The following SFMBT1 variants were observed in gnomAD, a reference collection of about 807,000 sequenced individuals.
SFMBT1 encodes Scm like with four mbt domains 1, also known as scm-like with four MBT domains protein 1.
Under a neutral mutation model 108.7 loss-of-function variants are expected in SFMBT1, and 32 were observed. That is an observed-to-expected ratio of 0.29 (90% CI 0.22 to 0.40). SFMBT1 has a LOEUF of 0.40. SFMBT1 is among the 10% of genes least tolerant of loss of function. The probability of loss-of-function intolerance (pLI) is 1.00; values close to 1 mark genes in which losing one functional copy is unlikely to be tolerated. For missense variants in SFMBT1, 816 were observed against 1,059.6 expected (o/e 0.77, Z 3.19); for synonymous variants, 348 against 369.5 (o/e 0.94, Z 0.67).
At chr3:53,040,679 T>C (rs1449701023) in intron 1 of SFMBT1, among the ~76,000 whole-genome samples, 2 of 151,142 alleles carry the variant, frequency 1.3e-5, no homozygotes, top group East Asian at 3.9e-4. Flanking sequence ...ATGTTGGAAA[T>C]ATCACCTTAT....
Position 52,928,234 on chromosome 3 carries a change from C to A in SFMBT1, c.1005G>T (p.Val335=), listed in dbSNP as rs1037390710. Reference sequence around the variant, plus strand: ...GTAGGCCATTCTTCAGACTCCACTGCACAGGGAAGATGCCAGGACTGTCGG... The same window carrying A: ...GTAGGCCATTCTTCAGACTCCACTGAACAGGGAAGATGCCAGGACTGTCGG... ...CHADSPGIFP[V]QWSLKNGLHI... is the part of the protein sequence containing the mutation. Residue 335 remains valine (V), a synonymous_variant, in exon 9 of 21, where the codon GTG becomes GTT. Transcript: ENST00000394752. 14 of 1,613,888 alleles carry A rather than the reference C, an allele frequency of 8.7e-6. No individual in the cohort carries two copies. The African/African-American group carries it at 1.9e-4, about 22-fold the overall frequency.
intron 1 of SFMBT1, among the ~76,000 whole-genome samples, chr3:52,972,990 C>G (rs2106865768): frequency 6.6e-6 from 1 of 152,128 alleles, no homozygotes; most frequent in African/African-American, 2.4e-5. Context: ...CCACTGCACT[C>G]CAGCATGGGT....
intron 13 of SFMBT1, among the ~76,000 whole-genome samples, chr3:52,917,699 G>C (rs1176368089): frequency 1.3e-5 from 2 of 152,166 alleles, no homozygotes; most frequent in African/African-American, 4.8e-5. Flanking sequence ...GATTCTCACA[G>C]GAGTGTGAAC....
intron 1 of SFMBT1, among the ~76,000 whole-genome samples, chr3:53,038,759 T>C (rs1251582447): frequency 2.0e-5 from 3 of 152,214 alleles, no homozygotes; most frequent in African/African-American, 7.2e-5. Context: ...ATGTAAGTCA[T>C]TAAGCCTTTT....
At chr3:52,971,423 T>C (rs1704339694) in intron 1 of SFMBT1, among the ~76,000 whole-genome samples, 1 of 152,174 alleles carries the variant, frequency 6.6e-6, no homozygotes, top group South Asian at 2.1e-4. Flanking sequence ...ATGGGAACAA[T>C]TGAAAAGAAA....
At chr3:52,960,114 T>C (rs974982002) in intron 2 of SFMBT1, among the ~76,000 whole-genome samples, 1 of 151,810 alleles carries the variant, frequency 6.6e-6, no homozygotes, top group Non-Finnish European at 1.5e-5. Context: ...ATGCTAGCGT[T>C]GACACAGATA....
At chr3:52,992,725 T>C (rs1282908416) in intron 1 of SFMBT1, among the ~76,000 whole-genome samples, 1 of 152,208 alleles carries the variant, frequency 6.6e-6, no homozygotes, top group African/African-American at 2.4e-5. Flanking sequence ...GTTAGCACAC[T>C]CCACAATGTA....
chr3:53,041,557 G>T (rs1700052956), intron 1 of SFMBT1, among the ~76,000 whole-genome samples: 1 of 151,994 alleles, frequency 6.6e-6, no homozygotes. Flanking sequence ...AATTAGCCAG[G>T]AATGGTGGTG....
In SFMBT1 at chr3:53,000,109, A is replaced by G. The variant is rs1034018676; in HGVS notation, c.-130-30851T>C. ...GATTTCCTGACCTCGTGATCCGCCCACCCCGGCCTCCCAAAGTGCTGGGAT... is the reference window on the plus strand; with the variant it reads ...GATTTCCTGACCTCGTGATCCGCCCGCCCCGGCCTCCCAAAGTGCTGGGAT... On this transcript the variant is annotated intron_variant, in intron 1 of 20. Transcript: ENST00000394752. 4.0e-5 allele frequency among the ~76,000 whole-genome samples: 6 copies of G among 149,440 alleles called. No homozygotes were observed. In the South Asian group the frequency reaches 6.4e-4, roughly 16 times the overall value.
chr3:52,921,275 C>A (rs989346497), intron 11 of SFMBT1, among the ~76,000 whole-genome samples: 1 of 152,214 alleles, frequency 6.6e-6, no homozygotes, highest in Non-Finnish European at 1.5e-5. Context: ...CAGCGCCTTG[C>A]ATCCACAAAC....
rs752087891 is a variant in SFMBT1 at position 52,905,215 on chromosome 3, A to C, written c.2522T>G (p.Leu841Ter). The C allele has an allele frequency of 6.2e-7, 1 of 1,614,098 alleles. No individual in the cohort carries two copies. The highest frequency in any genetic ancestry group is 1.1e-5 in the South Asian group (1 of 91,066). ...TLPTVQECMD[L>*]KLGPAIKLCH... is the part of the protein sequence containing the mutation. The stretch of plus-strand genomic sequence containing the variant: ...AAGTTTGATGGCAGGGCCCAATTTT[A>C]AGTCCATGCATTCTTGAACAGTGGG... Residue 841 changes from leucine (L) to a stop codon, truncating the protein, a stop_gained, in exon 21 of 21, where the codon TTA (leucine) becomes TGA (stop). Transcript: ENST00000394752. LOFTEE classifies it high-confidence loss of function.
chr3:52,984,917 C>T (rs1395654300), intron 1 of SFMBT1, among the ~76,000 whole-genome samples: 1 of 152,116 alleles, frequency 6.6e-6, no homozygotes, highest in African/African-American at 2.4e-5. Flanking sequence ...GGATATTGAG[C>T]ACCTCCTCTT....
intron 1 of SFMBT1, among the ~76,000 whole-genome samples, chr3:53,016,269 A>G (rs1445155831): frequency 6.6e-6 from 1 of 152,178 alleles, no homozygotes; most frequent in Non-Finnish European, 1.5e-5. Context: ...TCTGAGCTCT[A>G]ATAACACTTA....
chr3:52,975,392 T>C (rs1206940260), intron 1 of SFMBT1, among the ~76,000 whole-genome samples: 4 of 151,862 alleles, frequency 2.6e-5, no homozygotes, highest in African/African-American at 9.7e-5. Context: ...ATAAGATAAT[T>C]TTAGAATGCA....
At chr3:52,978,161 T>A (rs923054254) in intron 1 of SFMBT1, among the ~76,000 whole-genome samples, 4 of 151,956 alleles carry the variant, frequency 2.6e-5, no homozygotes, top group African/African-American at 9.7e-5. Flanking sequence ...GGTGGTTAAA[T>A]CGGGTAGAGA....
At chr3:52,992,396 T>A (rs1705169912) in intron 1 of SFMBT1, among the ~76,000 whole-genome samples, 1 of 152,242 alleles carries the variant, frequency 6.6e-6, no homozygotes, top group African/African-American at 2.4e-5. Flanking sequence ...TATGTCTGTA[T>A]CAAAACATCT....
chr3:52,982,073 C>A (rs139407138), intron 1 of SFMBT1, among the ~76,000 whole-genome samples: 2 of 152,244 alleles, frequency 1.3e-5, no homozygotes, highest in Non-Finnish European at 2.9e-5. Flanking sequence ...GAGTTCAACA[C>A]CAAAACTGGT....
rs1429714514 is a variant in SFMBT1 at position 52,921,706 on chromosome 3, C to T, written c.1257G>A (p.Glu419=). 1 of 1,614,036 alleles carries T rather than the reference C, an allele frequency of 6.2e-7. No individual in the cohort carries two copies. Among genetic ancestry groups the T allele is most frequent in the East Asian group, 2.2e-5 (1 of 44,860 alleles). ...VRGSYLWLQL[E]GSKKPIPECI... ...GGCTTCTAGAGTGCTGGCACTCACC[C>T]TCCAGCTGGAGCCACAGGTAGGAGC... The change falls in exon 11 of 21, where the codon GAG becomes GAA. Residue 419 remains glutamate (E), a splice_region_variant and synonymous_variant. Transcript: ENST00000394752.
At chr3:52,917,102 G>A (rs919654227) in intron 13 of SFMBT1, among the ~76,000 whole-genome samples, 5 of 74,288 alleles carry the variant, frequency 6.7e-5, no homozygotes, top group Admixed American at 5.4e-4. Flanking sequence ...TCCAAGGTCA[G>A]TCTTTTTTTT....
Sources: gnomAD v4.1 joint callset for allele counts (sites outside exome capture counted in the v4.1 genomes callset) on GRCh38, gnomAD v4.1.1 for gene constraint, MANE v1.5 for transcripts, NCBI Gene and HGNC (gene_info 2026-07-23, HGNC 2026-07-21) for gene names.